The following NFKB1 variants were observed in gnomAD, a reference collection of about 807,000 sequenced individuals.
NFKB1 encodes the protein nuclear factor NF-kappa-B p105 subunit.
NFKB1 carries 9 observed loss-of-function variants against 105.1 expected under a neutral mutation model. The ratio of observed to expected loss-of-function variants is 0.09; its 90% CI spans 0.05 to 0.15. NFKB1 has a LOEUF of 0.15. Ranked by LOEUF, NFKB1 falls within the 10% of genes least tolerant of loss-of-function variation. The pLI, the probability that NFKB1 is intolerant of heterozygous loss-of-function variation, is 1.00. For missense variants in NFKB1, 830 were observed against 1,203.7 expected, an observed-to-expected ratio of 0.69 and a Z score of 4.59; for synonymous variants, 440 against 442.2, an observed-to-expected ratio of 1.00 and a Z score of 0.06.
At chr4:102,588,238 T>C (rs1246594129) in intron 11 of NFKB1, among the ~76,000 whole-genome samples, 1 of 152,144 alleles carries the variant, frequency 6.6e-6, no homozygotes, top group Non-Finnish European at 1.5e-5. Context: ...GCTAGTAATA[T>C]GTTGGGTATC....
At chr4:102,550,229 A>G (rs946644682) in intron 5 of NFKB1, among the ~76,000 whole-genome samples, 2 of 151,770 alleles carry the variant, frequency 1.3e-5, no homozygotes, top group Non-Finnish European at 2.9e-5. Context: ...TGTCTTTTTG[A>G]TATGTCCCTA....
At position 102,591,419 on chromosome 4, in the gene NFKB1, C is replaced by CAA. The variant is rs59255093; in HGVS notation, c.1067-1989_1067-1988dup. Among the ~76,000 whole-genome samples, 254 of 101,748 alleles carry CAA rather than the reference C, an allele frequency of 2.5e-3. 7 individuals are homozygous for CAA. Among genetic ancestry groups the CAA allele is most frequent in the East Asian group, 8.0e-3 (29 of 3,620 alleles). 66.8% of individuals were successfully genotyped at this position (101,748 alleles called of 152,430 possible). On this transcript the variant is annotated intron_variant, in intron 11 of 23. Coordinates refer to ENST00000226574, the MANE Select transcript of NFKB1 (RefSeq NM_003998.4). ...TGGGCAACAGAGTGAGACCCTGGCT[C>CAA]AAAAAAAAAAAAAAAAAAGGCAGAC...
At position 102,540,267 on chromosome 4, in the gene NFKB1, A is replaced by G. The variant is rs147831161; in HGVS notation, c.258+2311A>G. On this transcript the variant is annotated intron_variant, in intron 5 of 23. Coordinates refer to ENST00000226574, the MANE Select transcript of NFKB1 (RefSeq NM_003998.4). The stretch of plus-strand genomic sequence containing the variant: ...ACAAACACATGGCATTAACTTTCTT[A>G]TAAATTTATTGGCTAAGAAAAAACT... Among the ~76,000 whole-genome samples, 402 of 152,282 alleles carry G rather than the reference A, an allele frequency of 2.6e-3. 4 individuals carry two copies. Among genetic ancestry groups the G allele is most frequent in the African/African-American group, 9.4e-3 (390 of 41,552 alleles).
intron 5 of NFKB1, chr4:102,557,305 T>G (rs1723058710): frequency 6.6e-6 from 1 of 152,154 alleles, no homozygotes; most frequent in Admixed American, 6.6e-5. Flanking sequence ...CTCAGAAAAC[T>G]TAGAGATTAT....
chr4:102,545,891 A>G (rs1722099700), intron 5 of NFKB1, among the ~76,000 whole-genome samples: 1 of 152,158 alleles, frequency 6.6e-6, no homozygotes, highest in Admixed American at 6.6e-5. Flanking sequence ...ATATTATGCC[A>G]CTGTGTTTTA....
Position 102,596,148 on chromosome 4 carries a change from C to T in NFKB1, c.1311C>T (p.Asp437=), listed in dbSNP as rs758656960. 3 of 1,593,346 alleles carry T rather than the reference C, an allele frequency of 1.9e-6. No homozygotes were observed. Among genetic ancestry groups the T allele is most frequent in the Non-Finnish European group, 8.6e-7 (1 of 1,167,498 alleles). Reference sequence around the variant, plus strand: ...TTGCATTTATCTTAGGAACCATGGACACTGAATCTAAAAAGGACCCTGAAG... The same window carrying T: ...TTGCATTTATCTTAGGAACCATGGATACTGAATCTAAAAAGGACCCTGAAG... ...SNAGMKHGTM[D]TESKKDPEGC... The change falls in exon 14 of 24, where the codon GAC becomes GAT. Residue 437 remains aspartate (D), a synonymous_variant. Coordinates refer to ENST00000226574, the MANE Select transcript of NFKB1 (RefSeq NM_003998.4).
Position 102,593,544 on chromosome 4 carries a change from G to A in NFKB1, c.1186G>A (p.Gly396Arg), listed in dbSNP as rs201183726. The part of the protein sequence containing the change: ...GGMFGSGGGG[G>R]GTGSTGPGYS... ...CATGTTTGGTAGTGGCGGTGGAGGA[G>A]GGGGCACTGGAAGTACAGGTCCAGG... The change falls in exon 12 of 24, where the codon GGG (glycine) becomes AGG (arginine). Residue 396 changes from glycine (G) to arginine (R), a missense_variant. Physicochemically the swap from Gly to Arg is moderately radical, Grantham distance 125 (BLOSUM62 -2). This residue lies in a region of NFKB1 where 163 missense variants were observed against 164.3 expected (regional missense o/e 0.99). Transcript: ENST00000226574. The A allele has an allele frequency of 6.2e-7, 1 of 1,613,494 alleles. No homozygotes were observed. The highest frequency in any genetic ancestry group is 8.5e-7 in the Non-Finnish European group (1 of 1,179,550).
chr4:102,507,028 T>G (rs954107979), intron 1 of NFKB1, among the ~76,000 whole-genome samples: 2 of 147,756 alleles, frequency 1.4e-5, no homozygotes, highest in African/African-American at 2.5e-5. Flanking sequence ...TATTTGTAAC[T>G]AATATAATTA....
intron 4 of NFKB1, among the ~76,000 whole-genome samples, chr4:102,536,455 G>A (rs1249653069): frequency 1.3e-5 from 2 of 152,120 alleles, no homozygotes; most frequent in Non-Finnish European, 2.9e-5. Flanking sequence ...AAATGTGTTT[G>A]AGGACTGATC....
intron 5 of NFKB1, among the ~76,000 whole-genome samples, chr4:102,558,719 T>A (rs1228191233): frequency 1.3e-5 from 2 of 152,094 alleles, no homozygotes; most frequent in Non-Finnish European, 2.9e-5. Context: ...GGTGCGATCA[T>A]AGCCCAATGC....
intron 2 of NFKB1, among the ~76,000 whole-genome samples, chr4:102,528,794 G>A (rs1259639001): frequency 6.6e-6 from 1 of 152,154 alleles, no homozygotes; most frequent in Admixed American, 6.5e-5. Flanking sequence ...AAAATATTCT[G>A]CATGCCCACT....
At chr4:102,580,470 C>G in intron 8 of NFKB1, 65 bp from the exon 9 acceptor site, 3 of 1,373,564 alleles carry the variant, frequency 2.2e-6, no homozygotes, top group Non-Finnish European at 3.1e-6. Context: ...AGGGTCCTAC[C>G]TAAAGGACTG....
chr4:102,533,513 T>C (rs1264027560), intron 3 of NFKB1, among the ~76,000 whole-genome samples: 2 of 152,204 alleles, frequency 1.3e-5, no homozygotes, highest in Admixed American at 6.5e-5. Context: ...CATTTTAAAA[T>C]GCTTTGTTAG....
chr4:102,513,126 A>G (rs1167579333), intron 1 of NFKB1, among the ~76,000 whole-genome samples: 1 of 152,232 alleles, frequency 6.6e-6, no homozygotes, highest in Non-Finnish European at 1.5e-5. Context: ...AAACTGTAGC[A>G]TTAGAAATGT....
At chr4:102,609,038 A>G (rs1018288299) in intron 19 of NFKB1, among the ~76,000 whole-genome samples, 1 of 152,148 alleles carries the variant, frequency 6.6e-6, no homozygotes, top group African/African-American at 2.4e-5. Flanking sequence ...CTATAGTCGC[A>G]GCTAGTTTGG....
intron 5 of NFKB1, among the ~76,000 whole-genome samples, chr4:102,559,293 A>G (rs230506): frequency 0.052 from 7,859 of 152,292 alleles, 277 homozygotes; most frequent in Non-Finnish European, 0.076. Context: ...AAATGTAATC[A>G]TATACAAACA....
In NFKB1 at chr4:102,607,723, C is replaced by T. The variant is rs775890840; in HGVS notation, c.2199C>T (p.Thr733=). The T allele has an allele frequency of 8.7e-6, 14 of 1,614,058 alleles. No homozygotes were observed. Among genetic ancestry groups the T allele is most frequent in the African/African-American group, 2.7e-5 (2 of 74,926 alleles). Residue 733 remains threonine, a synonymous_variant, in exon 19 of 24, where the codon ACC becomes ACT. Transcript: ENST00000226574. ...ATATAGCAGCTGGGAGAGGGTCCACCAGGCTGGCAGCTCTTCTCAAAGCAG... is the reference window on the plus strand; with the variant it reads ...ATATAGCAGCTGGGAGAGGGTCCACTAGGCTGGCAGCTCTTCTCAAAGCAG... ...PLHIAAGRGS[T]RLAALLKAAG...
At chr4:102,559,274 A>G (rs1013989540) in intron 5 of NFKB1, among the ~76,000 whole-genome samples, 5 of 152,180 alleles carry the variant, frequency 3.3e-5, no homozygotes, top group African/African-American at 9.7e-5. Flanking sequence ...TTAACTTTTT[A>G]ACATAGAAAA....
chr4:102,602,538 C>CA (rs767444879), intron 16 of NFKB1, among the ~76,000 whole-genome samples: 1,746 of 77,970 alleles, frequency 0.022, 25 homozygotes, highest in African/African-American at 0.063. Context: ...CGCTCTGTCT[C>CA]AAAAAAAAAA....
Sources: gnomAD v4.1 joint callset for allele counts (sites outside exome capture counted in the v4.1 genomes callset) on GRCh38, gnomAD v4.1.1 for gene constraint, gnomAD v4.1.1 regional missense constraint, MANE v1.5 for transcripts, NCBI Gene and HGNC (gene_info 2026-07-23, HGNC 2026-07-21) for gene names.